Variants in NLRC5 observed in about 807,000 individuals in gnomAD.
NLRC5 encodes protein NLRC5.
Under a neutral mutation model 206.9 loss-of-function variants are expected in NLRC5, and 114 were observed. The ratio of observed to expected loss-of-function variants is 0.55; its 90% CI spans 0.47 to 0.64. The LOEUF (loss-of-function observed/expected upper bound fraction) is 0.64, where lower values mean the gene tolerates loss of function less well. NLRC5 is among the 30% of genes least tolerant of loss of function. The pLI, the probability that NLRC5 is intolerant of heterozygous loss-of-function variation, is 0.00. For synonymous variants in NLRC5, 952 were observed against 962.8 expected, an observed-to-expected ratio of 0.99 and a Z score of 0.21; for missense variants, 2,008 against 2,305.5, an observed-to-expected ratio of 0.87 and a Z score of 2.64.
At position 57,026,619 on chromosome 16, in the gene NLRC5, A is replaced by T; in HGVS notation, c.1676A>T (p.Asp559Val). The T allele has an allele frequency of 6.2e-7, 1 of 1,614,096 alleles. No homozygotes were observed. Among genetic ancestry groups the T allele is most frequent in the Non-Finnish European group, 8.5e-7 (1 of 1,180,016 alleles). Residue 559 changes from aspartate (D) to valine (V), a missense_variant, in exon 6 of 49, where the codon GAC (aspartate) becomes GTC (valine). Coordinates refer to ENST00000688547, the MANE Select transcript of NLRC5 (RefSeq NM_001384950.1). The part of the protein sequence containing the change: ...QRTKARLGLS[D>V]HLPTFLAGLA... ...ACCAAAGCTAGACTGGGCCTCTCAG[A>T]CCACCTCCCCACCTTCCTGGCGGGC...
rs1305623900 is a variant in NLRC5 at position 57,083,181 on chromosome 16, C to A, written c.*653C>A. 6.6e-6 allele frequency: 1 copy of A among 152,380 alleles called. No individual in the cohort carries two copies. The highest frequency in any genetic ancestry group is 1.5e-5 in the Non-Finnish European group (1 of 68,178). The allele number at this position is 152,380 out of a possible 1,614,324, so 9.4% of individuals were successfully genotyped here. ...AGGGACTCAGCCATTAAGTCCCCTC[C>A]TGCCTCAATCCTCAGCCTACCCATC... On this transcript the variant is annotated 3_prime_UTR_variant, in exon 49 of 49. Transcript: ENST00000688547.
At chr16:56,999,400 G>A (rs1158176441) in intron 1 of NLRC5, among the ~76,000 whole-genome samples, 2 of 152,224 alleles carry the variant, frequency 1.3e-5, no homozygotes, top group Non-Finnish European at 2.9e-5. Context: ...CTACAAGATG[G>A]GCAAACCACT....
intron 5 of NLRC5, among the ~76,000 whole-genome samples, chr16:57,024,512 T>C (rs892958126): frequency 1.3e-5 from 2 of 152,126 alleles, no homozygotes; most frequent in Admixed American, 6.5e-5. Context: ...CCCCAGCCCT[T>C]TCCCTGGGTC....
chr16:57,046,627 C>T lies in NLRC5; in HGVS notation c.3324C>T (p.Ile1108=), dbSNP rs780558107. 44 of 1,613,776 alleles carry T rather than the reference C, an allele frequency of 2.7e-5. No homozygotes were observed. The South Asian group carries it at 3.0e-4, about 11-fold the overall frequency. ...AKFLGFRQRC[I]PRSLCLSECP... The stretch of plus-strand genomic sequence containing the variant: ...TCTTAGGGTTCCGTCAGCGCTGCAT[C>T]CCCAGGAGCCTCTGGTACTGTCCCA... Residue 1108 remains isoleucine, a synonymous_variant, in exon 22 of 49, where the codon ATC becomes ATT. Coordinates refer to ENST00000688547, the MANE Select transcript of NLRC5 (RefSeq NM_001384950.1).
At position 57,029,998 on chromosome 16, in the gene NLRC5, G is replaced by A. The variant is rs377146001; in HGVS notation, c.2331G>A (p.Leu777=). ...PHLPRLRKLD[L]SSNSICVSTL... ...CACCTTTGCCACAATCTTGCAGCCT[G>A]AGCAGCAACAGCATCTGCGTGTCAA... Residue 777 remains leucine, a synonymous_variant, in exon 10 of 49, where the codon CTG becomes CTA. Transcript: ENST00000688547. The A allele has an allele frequency of 6.8e-6, 11 of 1,614,038 alleles. No individual in the cohort carries two copies. The highest frequency in any genetic ancestry group is 1.7e-5 in the Admixed American group (1 of 60,006).
At chr16:57,032,971 T>C (rs1410513897) in intron 11 of NLRC5, among the ~76,000 whole-genome samples, 6 of 152,014 alleles carry the variant, frequency 3.9e-5, no homozygotes, top group Admixed American at 3.3e-4. Flanking sequence ...GCACTCCAGC[T>C]TGGGGACTGA....
rs1462633481 is a variant in NLRC5, at chr16:57,083,312, G to A, written c.*784G>A. On this transcript the variant is annotated 3_prime_UTR_variant, in exon 49 of 49. Coordinates refer to ENST00000688547, the MANE Select transcript of NLRC5 (RefSeq NM_001384950.1). Reference sequence around the variant, plus strand: ...AGAAGCCCAGTCTGTCCTATGTAAGGGACAAAGCCAGGTCTAATGGTACTG... The same window carrying A: ...AGAAGCCCAGTCTGTCCTATGTAAGAGACAAAGCCAGGTCTAATGGTACTG... 6.6e-6 allele frequency: 1 copy of A among 152,226 alleles called. No individual in the cohort carries two copies. Among genetic ancestry groups the A allele is most frequent in the Non-Finnish European group, 1.5e-5 (1 of 68,058 alleles). 9.4% of individuals were successfully genotyped at this position (152,226 alleles called of 1,614,324 possible).
intron 6 of NLRC5, 59 bp from the exon 7 acceptor site, chr16:57,028,013 A>G (rs1242031494): frequency 7.3e-6 from 9 of 1,226,912 alleles, no homozygotes; most frequent in African/African-American, 1.5e-5. Context: ...GGGGATGGCG[A>G]TGACTTCTCA....
chr16:57,043,908 T>A (rs982791108), intron 20 of NLRC5: 94 of 387,494 alleles, frequency 2.4e-4, no homozygotes, highest in Non-Finnish European at 3.6e-4. Flanking sequence ...ATTTTTTTTT[T>A]AATTATTATA....
In NLRC5 at chr16:57,022,304, A is replaced by C; in HGVS notation, c.344A>C (p.Gln115Pro). 6.2e-7 allele frequency: 1 copy of C among 1,611,290 alleles called. No individual in the cohort carries two copies. The highest frequency in any genetic ancestry group is 8.5e-7 in the Non-Finnish European group (1 of 1,177,778). The change falls in exon 4 of 49, where the codon CAG becomes CCG. Residue 115 changes from glutamine to proline, a missense_variant. By Grantham distance (76) the Gln-to-Pro change is moderately conservative. Transcript: ENST00000688547. ...GAEGKSQPES[Q>P]LHHGLKRPHQ... The stretch of plus-strand genomic sequence containing the variant: ...GAGGGGAAAAGCCAACCTGAATCTC[A>C]GCTCCACCATGGTGAGGACTGGAGT...
intron 2 of NLRC5, among the ~76,000 whole-genome samples, chr16:57,018,759 C>G (rs1367676225): frequency 6.6e-6 from 1 of 152,160 alleles, no homozygotes; most frequent in Admixed American, 6.5e-5. Flanking sequence ...GTGCCTAATA[C>G]ACAGTGAGTG....
chr16:57,008,705 G>A (rs776883308), intron 1 of NLRC5, among the ~76,000 whole-genome samples: 21 of 149,760 alleles, frequency 1.4e-4, no homozygotes, highest in Admixed American at 8.7e-4. Flanking sequence ...TACATTTATC[G>A]AAATTGGCCA....
intron 1 of NLRC5, among the ~76,000 whole-genome samples, chr16:57,009,224 G>C (rs2059234381): frequency 6.6e-6 from 1 of 152,124 alleles, no homozygotes; most frequent in African/African-American, 2.4e-5. Flanking sequence ...CCAAGAGGTG[G>C]AGGTTGCAGT....
At chr16:57,037,104 C>A (rs1470190475) in intron 14 of NLRC5, 91 bp from the exon 15 acceptor site, 17 of 1,051,022 alleles carry the variant, frequency 1.6e-5, no homozygotes, top group East Asian at 2.4e-5. Flanking sequence ...TGACAGCCAG[C>A]AAGCTGCTGA....
intron 1 of NLRC5, among the ~76,000 whole-genome samples, chr16:57,005,303 A>G (rs749110815): frequency 1.8e-4 from 28 of 152,206 alleles, no homozygotes; most frequent in Non-Finnish European, 3.4e-4. Context: ...GGAGAAATCA[A>G]TTGAAGAACA....
chr16:57,041,643 G>T, intron 18 of NLRC5, 69 bp downstream of exon 18: 2 of 1,359,046 alleles, frequency 1.5e-6, no homozygotes, highest in Non-Finnish European at 2.1e-6. Context: ...TGGTGTTTGG[G>T]TTTGGTTTTT....
Position 57,055,437 on chromosome 16 carries a change from T to G in NLRC5, c.3664T>G (p.Phe1222Val). 6.2e-7 allele frequency: 1 copy of G among 1,613,882 alleles called. No individual in the cohort carries two copies. The highest frequency in any genetic ancestry group is 8.5e-7 in the Non-Finnish European group (1 of 1,179,912). ...EEEEGVCCGR[F>V]TGCSLSQEHV... The stretch of plus-strand genomic sequence containing the variant: ...GTCCCCTTTACCTCCGTCCAGCAGG[T>G]TCACAGGCTGCAGCCTCAGCCAGGA... The change falls in exon 27 of 49, where the codon TTC becomes GTC. Residue 1222 changes from phenylalanine to valine, a missense_variant. Physicochemically the swap from Phe to Val is conservative, Grantham distance 50. Transcript: ENST00000688547.
At chr16:57,081,371 T>A in intron 47 of NLRC5, 156 bp from the exon 48 acceptor site, 1 of 876,410 alleles carries the variant, frequency 1.1e-6, no homozygotes. Context: ...CTGCTGCACC[T>A]GCCACCAGTC....
chr16:57,026,264 C>G lies in NLRC5; in HGVS notation c.1321C>G (p.Gln441Glu), dbSNP rs1417203434. The G allele has an allele frequency of 6.2e-7, 1 of 1,614,046 alleles. No homozygotes were observed. The highest frequency in any genetic ancestry group is 8.5e-7 in the Non-Finnish European group (1 of 1,180,054). ...LLPNMTQLYMQMVLALSPPGH... is the reference protein window; with the variant it reads ...LLPNMTQLYMEMVLALSPPGH... The stretch of plus-strand genomic sequence containing the variant: ...GCCCAACATGACTCAGCTCTATATG[C>G]AGATGGTGCTCGCCCTCAGCCCCCC... The change falls in exon 6 of 49, where the codon CAG becomes GAG. Residue 441 changes from glutamine to glutamate, a missense_variant. Transcript: ENST00000688547.
Sources: gnomAD v4.1 joint callset for allele counts (sites outside exome capture counted in the v4.1 genomes callset) on GRCh38, gnomAD v4.1.1 for gene constraint, MANE v1.5 for transcripts, NCBI Gene and HGNC (gene_info 2026-07-23, HGNC 2026-07-21) for gene names.